MSH3: variants seen among roughly 807,000 people sequenced by gnomAD.
MSH3 encodes DNA mismatch repair protein Msh3.
MSH3 carries 106 observed loss-of-function variants against 123.3 expected under a neutral mutation model. The observed-to-expected ratio is 0.86, with a 90% confidence interval of 0.73 to 1.01. The LOEUF (loss-of-function observed/expected upper bound fraction) is 1.01, where lower values mean the gene tolerates loss of function less well. Among genes scored for constraint, MSH3 ranks in the 50% least tolerant of loss-of-function variants. MSH3 has a pLI of 0.00. For synonymous variants in MSH3, 515 were observed against 481.4 expected (o/e 1.07, Z -0.91); for missense variants, 1,459 against 1,347.6 (o/e 1.08, Z -1.29).
intron 8 of MSH3, among the ~76,000 whole-genome samples, chr5:80,699,577 A>G (rs1437794384): frequency 6.6e-6 from 1 of 151,770 alleles, no homozygotes; most frequent in Non-Finnish European, 1.5e-5. Context: ...AAAAAAAAAA[A>G]AAAAGGTTGT....
chr5:80,670,365 T>G, intron 4 of MSH3, 56 bp downstream of exon 4: 1 of 1,538,968 alleles, frequency 6.5e-7, no homozygotes, highest in South Asian at 1.1e-5. Context: ...CTTAGATATT[T>G]TTCAGTATTT....
intron 15 of MSH3, among the ~76,000 whole-genome samples, chr5:80,774,819 G>A (rs1410303564): frequency 1.3e-5 from 2 of 152,100 alleles, no homozygotes; most frequent in Non-Finnish European, 2.9e-5. Flanking sequence ...AACTGGTAGT[G>A]GTAGTGGGGG....
rs6151933 is a variant in MSH3 at position 80,874,157 on chromosome 5, A to G, written c.3302+870A>G. Among the ~76,000 whole-genome samples the G allele has an allele frequency of 3.9e-5, 6 of 152,280 alleles. No homozygotes were observed. The South Asian group carries it at 1.2e-3, about 32-fold the overall frequency. ...CAATAATATTCTTTAATATTTGGTTATAATTCTGGGAATTATTACCAAATT... is the reference window on the plus strand; with the variant it reads ...CAATAATATTCTTTAATATTTGGTTGTAATTCTGGGAATTATTACCAAATT... On this transcript the variant is annotated intron_variant, in intron 23 of 23. Transcript: ENST00000265081.
intron 22 of MSH3, among the ~76,000 whole-genome samples, chr5:80,872,835 C>G (rs567712714): frequency 6.6e-6 from 1 of 152,082 alleles, no homozygotes; most frequent in Non-Finnish European, 1.5e-5. Flanking sequence ...AAAACATTCT[C>G]TTTTTAATAT....
rs186208987 is a variant in MSH3 at position 80,854,857 on chromosome 5, T to G, written c.3000+541T>G. Among the ~76,000 whole-genome samples the G allele has an allele frequency of 4.6e-5, 7 of 152,290 alleles. No individual in the cohort carries two copies. In the East Asian group the frequency reaches 1.3e-3, roughly 29 times the overall value. ...CAGAATTATATCTTATTATCCTTGGTGAACCCTAAATCAAGAACAGGTACC... is the reference window on the plus strand; with the variant it reads ...CAGAATTATATCTTATTATCCTTGGGGAACCCTAAATCAAGAACAGGTACC... On this transcript the variant is annotated intron_variant, in intron 21 of 23. Coordinates refer to ENST00000265081, the MANE Select transcript of MSH3 (RefSeq NM_002439.5).
intron 20 of MSH3, among the ~76,000 whole-genome samples, chr5:80,835,698 T>A (rs1292970030): frequency 6.6e-6 from 1 of 152,066 alleles, no homozygotes; most frequent in Non-Finnish European, 1.5e-5. Flanking sequence ...GTGGATGACT[T>A]GAGGTCAGGA....
intron 12 of MSH3, among the ~76,000 whole-genome samples, chr5:80,755,680 G>A (rs1461162206): frequency 3.3e-5 from 5 of 152,192 alleles, no homozygotes; most frequent in Non-Finnish European, 7.3e-5. Context: ...AACTGGAAAT[G>A]GAAGTGAATT....
chr5:80,868,992 A>G (rs1178483534), intron 22 of MSH3, among the ~76,000 whole-genome samples: 1 of 152,156 alleles, frequency 6.6e-6, no homozygotes, highest in Admixed American at 6.5e-5. Context: ...GTAGGTCATC[A>G]GTAAAATGCC....
chr5:80,746,333 C>T (rs1170110130), intron 12 of MSH3: 3 of 352,494 alleles, frequency 8.5e-6, no homozygotes, highest in Non-Finnish European at 1.7e-5. Context: ...GCGTCAAGGA[C>T]GTTTCACTTC....
intron 19 of MSH3, among the ~76,000 whole-genome samples, chr5:80,803,281 T>C (rs530039009): frequency 2.0e-5 from 3 of 152,292 alleles, no homozygotes; most frequent in Non-Finnish European, 4.4e-5. Flanking sequence ...TTGACTGGGG[T>C]GAGATGATAT....
chr5:80,766,617 A>G (rs925804163), intron 13 of MSH3, among the ~76,000 whole-genome samples: 1 of 152,122 alleles, frequency 6.6e-6, no homozygotes, highest in African/African-American at 2.4e-5. Context: ...TGCTGGGATT[A>G]CAGGCGTGAG....
intron 12 of MSH3, among the ~76,000 whole-genome samples, chr5:80,751,007 C>A (rs1055008110): frequency 2.0e-5 from 3 of 152,104 alleles, no homozygotes; most frequent in Non-Finnish European, 4.4e-5. Flanking sequence ...AGGGTTTAAT[C>A]ATGATTGTTA....
At chr5:80,768,561 C>T (rs575180358) in intron 14 of MSH3, among the ~76,000 whole-genome samples, 8 of 152,084 alleles carry the variant, frequency 5.3e-5, no homozygotes, top group Non-Finnish European at 7.4e-5. Flanking sequence ...TTGACATTTA[C>T]GTTTGTCTTT....
In MSH3 at chr5:80,725,514, G is replaced by A; in HGVS notation, c.1402G>A (p.Ala468Thr). The A allele has an allele frequency of 6.2e-7, 1 of 1,614,032 alleles. No individual in the cohort carries two copies. Among genetic ancestry groups the A allele is most frequent in the Non-Finnish European group, 8.5e-7 (1 of 1,179,932 alleles). The change falls in exon 9 of 24, where the codon GCT becomes ACT. Residue 468 changes from alanine to threonine, a missense_variant. Transcript: ENST00000265081. ...MDNIYFEYSH[A>T]FQAVTEFYAK... ...TAACATTTATTTTGAATACAGCCAT[G>A]CTTTCCAGGCAGTTACAGAGTTTTA... is the stretch of plus-strand genomic sequence containing the variant.
intron 3 of MSH3, 145 bp from the exon 4 acceptor site, chr5:80,669,952 T>G (rs1461751671): frequency 1.9e-5 from 14 of 720,164 alleles, no homozygotes; most frequent in Non-Finnish European, 3.0e-5. Flanking sequence ...ATGGATAGTT[T>G]GCCGGAATGC....
At chr5:80,809,639 C>G (rs993086914) in intron 19 of MSH3, among the ~76,000 whole-genome samples, 1 of 152,188 alleles carries the variant, frequency 6.6e-6, no homozygotes, top group Non-Finnish European at 1.5e-5. Flanking sequence ...GTTCAGGGAG[C>G]CTTGGCATGA....
rs372906327 is a variant in MSH3 at position 80,696,016 on chromosome 5, A to T, written c.1340+16923A>T. On this transcript the variant is annotated intron_variant, in intron 8 of 23. Coordinates refer to ENST00000265081, the MANE Select transcript of MSH3 (RefSeq NM_002439.5). Reference sequence around the variant, plus strand: ...CTCCTTATTGCCAGGTGGAGGTAGAAACCCAGGTTGCTTGGTTTCCGTTGA... The same window carrying T: ...CTCCTTATTGCCAGGTGGAGGTAGATACCCAGGTTGCTTGGTTTCCGTTGA... Among the ~76,000 whole-genome samples the T allele has an allele frequency of 1.7e-4, 26 of 152,266 alleles. No homozygotes were observed. The East Asian group carries it at 2.7e-3, about 16-fold the overall frequency.
At chr5:80,753,011 G>A (rs1743862772) in intron 12 of MSH3, among the ~76,000 whole-genome samples, 3 of 152,116 alleles carry the variant, frequency 2.0e-5, no homozygotes, top group Admixed American at 6.6e-5. Flanking sequence ...AATGAGAAAA[G>A]GGTTAGAGAT....
intron 19 of MSH3, among the ~76,000 whole-genome samples, chr5:80,812,546 A>C (rs1020461248): frequency 6.7e-6 from 1 of 149,490 alleles, no homozygotes; most frequent in Non-Finnish European, 1.5e-5. Context: ...CTAGTTTGAG[A>C]AGCTTTTATG....
Sources: allele counts gnomAD v4.1 joint callset (sites outside exome capture counted in the v4.1 genomes callset), GRCh38; gene constraint gnomAD v4.1.1; transcripts MANE v1.5; gene names NCBI Gene and HGNC (gene_info 2026-07-23, HGNC 2026-07-21).